The following ARHGAP12 variants were observed in gnomAD, a reference collection of about 807,000 sequenced individuals.
The protein encoded by ARHGAP12 is Rho GTPase activating protein 12.
In ARHGAP12, 64 loss-of-function variants were observed where a neutral mutation model predicts 108.6. That is an observed-to-expected ratio of 0.59 (90% CI 0.48 to 0.73). The LOEUF (loss-of-function observed/expected upper bound fraction) is 0.73, where lower values mean the gene tolerates loss of function less well. ARHGAP12 is among the 30% of genes least tolerant of loss of function. The pLI is 0.00. For missense variants in ARHGAP12, 940 were observed against 1,005.9 expected, an observed-to-expected ratio of 0.93 and a Z score of 0.89; for synonymous variants, 312 against 337.2, an observed-to-expected ratio of 0.93 and a Z score of 0.82.
chr10:31,837,752 T>C (rs1441141818), intron 9 of ARHGAP12, among the ~76,000 whole-genome samples: 3 of 152,190 alleles, frequency 2.0e-5, no homozygotes, highest in Non-Finnish European at 2.9e-5. Context: ...GTGAAAATCT[T>C]TACCTCTGGG....
intron 13 of ARHGAP12, 129 bp from the exon 14 acceptor site, chr10:31,814,490 G>C: frequency 1.4e-6 from 1 of 702,296 alleles, no homozygotes; most frequent in East Asian, 2.5e-5. Context: ...TTAGTATACA[G>C]TATGTATGAC....
At chr10:31,827,331 C>T (rs1313858321) in intron 10 of ARHGAP12, among the ~76,000 whole-genome samples, 2 of 152,090 alleles carry the variant, frequency 1.3e-5, no homozygotes, top group East Asian at 3.8e-4. Flanking sequence ...AGGCCTAGCA[C>T]AGTACTTTTC....
At chr10:31,914,207 T>C (rs369471827) in intron 1 of ARHGAP12, among the ~76,000 whole-genome samples, 5 of 152,352 alleles carry the variant, frequency 3.3e-5, no homozygotes, top group African/African-American at 1.2e-4. Context: ...TTTCGTTGCC[T>C]GTGTTTTAGA....
chr10:31,916,731 C>T (rs375303018), intron 1 of ARHGAP12, among the ~76,000 whole-genome samples: 9 of 152,120 alleles, frequency 5.9e-5, no homozygotes, highest in African/African-American at 2.2e-4. Context: ...ATTCTCCTGC[C>T]TCAGCCTCCC....
In ARHGAP12 at chr10:31,843,441, A is replaced by C; in HGVS notation, c.1296+20T>G. On this transcript the variant is annotated intron_variant, in intron 7 of 19. Transcript: ENST00000344936. ...TACAATATAATGCAAAGAACTTGCC[A>C]AAAATCTCAACAGTCCTACCTTATC... 2.5e-6 allele frequency: 4 copies of C among 1,605,336 alleles called. No homozygotes were observed. The South Asian group carries it at 4.5e-5, about 18-fold the overall frequency.
chr10:31,832,476 T>C (rs1391925697), intron 9 of ARHGAP12, among the ~76,000 whole-genome samples: 1 of 152,214 alleles, frequency 6.6e-6, no homozygotes, highest in Non-Finnish European at 1.5e-5. Flanking sequence ...TGCACTAAAG[T>C]TAATGTTATC....
chr10:31,827,821 C>A (rs963275252), intron 10 of ARHGAP12, among the ~76,000 whole-genome samples: 1 of 150,772 alleles, frequency 6.6e-6, no homozygotes, highest in African/African-American at 2.5e-5. Context: ...AAAAAAAAAA[C>A]CACCTCTAAA....
intron 1 of ARHGAP12, among the ~76,000 whole-genome samples, chr10:31,923,015 C>T (rs185802109): frequency 5.4e-4 from 81 of 151,296 alleles, no homozygotes; most frequent in Non-Finnish European, 8.1e-4. Context: ...CCTGTAGTCA[C>T]GGCTACTTGG....
At chr10:31,908,134 G>A in intron 3 of ARHGAP12, 38 bp downstream of exon 3, 3 of 1,498,252 alleles carry the variant, frequency 2.0e-6, no homozygotes, top group South Asian at 1.3e-5. Context: ...TTTTCACTAG[G>A]GTGGTACAGT....
rs1177901834 is a variant in ARHGAP12 at position 31,860,649 on chromosome 10, A to G, written c.948+746T>C. Among the ~76,000 whole-genome samples, 4 of 152,262 alleles carry G rather than the reference A, an allele frequency of 2.6e-5. No homozygotes were observed. The East Asian group carries it at 7.7e-4, about 29-fold the overall frequency. ...ATAATTATTTCCCTCATATATAAAT[A>G]AAACAATGGTCTTGTACCGCTGACT... On this transcript the variant is annotated intron_variant, in intron 4 of 19. Transcript: ENST00000344936.
chr10:31,897,570 T>TA (rs1418629401), intron 3 of ARHGAP12, among the ~76,000 whole-genome samples: 1 of 152,042 alleles, frequency 6.6e-6, no homozygotes, highest in African/African-American at 2.4e-5. Context: ...GAAAATCTCT[T>TA]AGAGACAAAC....
chr10:31,808,639 GTCC>G lies in ARHGAP12; in HGVS notation c.2366+7_2366+9del. 6.2e-7 allele frequency: 1 copy of G among 1,612,496 alleles called. No individual in the cohort carries two copies. The highest frequency in any genetic ancestry group is 8.5e-7 in the Non-Finnish European group (1 of 1,178,786). Reference sequence around the variant, plus strand: ...CTATACCACATCCCATGACTGGGCAGTCCTCCTACCTTCTGAGATGTCGGAAAA... The same window carrying G: ...CTATACCACATCCCATGACTGGGCAGTCCTACCTTCTGAGATGTCGGAAAA... On this transcript the variant is annotated splice_region_variant and intron_variant, in intron 19 of 19. Transcript: ENST00000344936.
At chr10:31,860,497 C>T (rs1449660473) in intron 4 of ARHGAP12, among the ~76,000 whole-genome samples, 3 of 152,182 alleles carry the variant, frequency 2.0e-5, no homozygotes, top group South Asian at 2.1e-4. Flanking sequence ...CTGCACCATC[C>T]TGCAAGAGGT....
In ARHGAP12 at chr10:31,908,631, T is replaced by G. The variant is rs1839233552; in HGVS notation, c.225A>C (p.Lys75Asn). The part of the protein sequence containing the change: ...PAQYVKEVTR[K>N]ALMPPVKQVA... ...CCTGCTTAACAGGTGGCATGAGAGC[T>G]TTGCGCGTGACCTCCTTCACATACT... is the stretch of plus-strand genomic sequence containing the variant. The change falls in exon 3 of 20, where the codon AAA (lysine) becomes AAC (asparagine). Residue 75 changes from lysine to asparagine, a missense_variant. Physicochemically the swap from Lys to Asn is moderately conservative, Grantham distance 94. Coordinates refer to ENST00000344936, the MANE Select transcript of ARHGAP12 (RefSeq NM_018287.7). 1 of 1,614,188 alleles carries G rather than the reference T, an allele frequency of 6.2e-7. No homozygotes were observed. Among genetic ancestry groups the G allele is most frequent in the Non-Finnish European group, 8.5e-7 (1 of 1,180,024 alleles).
intron 6 of ARHGAP12, among the ~76,000 whole-genome samples, chr10:31,851,246 TG>T: frequency 6.6e-6 from 1 of 152,288 alleles, no homozygotes; most frequent in South Asian, 2.1e-4. Context: ...GTTTAAAATA[TG>T]GAATAGTTTT....
intron 3 of ARHGAP12, among the ~76,000 whole-genome samples, chr10:31,887,671 T>TG (rs1310567821): frequency 6.6e-6 from 1 of 150,888 alleles, no homozygotes; most frequent in Non-Finnish European, 1.5e-5. Flanking sequence ...GTTTTTTTTT[T>TG]TTTTGAGATG....
At chr10:31,812,644 G>T in intron 15 of ARHGAP12, 63 bp downstream of exon 15, 4 of 1,050,842 alleles carry the variant, frequency 3.8e-6, no homozygotes, top group South Asian at 1.6e-5. Flanking sequence ...TTTTTAATTT[G>T]AAACATTTTA....
chr10:31,845,260 G>C (rs1026583898), intron 6 of ARHGAP12, among the ~76,000 whole-genome samples: 1 of 151,902 alleles, frequency 6.6e-6, no homozygotes, highest in East Asian at 1.9e-4. Flanking sequence ...AAGTTTATAG[G>C]TTCTCTTGGG....
intron 3 of ARHGAP12, among the ~76,000 whole-genome samples, chr10:31,904,518 A>G (rs1308201663): frequency 6.6e-6 from 1 of 152,234 alleles, no homozygotes; most frequent in African/African-American, 2.4e-5. Flanking sequence ...GGAAATGCTC[A>G]GCATATTAAC....
Sources: allele counts gnomAD v4.1 joint callset (sites outside exome capture counted in the v4.1 genomes callset), GRCh38; gene constraint gnomAD v4.1.1; transcripts MANE v1.5; gene names NCBI Gene and HGNC (gene_info 2026-07-23, HGNC 2026-07-21).